The following CRISP1 variants were observed in gnomAD, a reference collection of about 807,000 sequenced individuals.
The protein encoded by CRISP1 is cysteine-rich secretory protein 1.
A neutral mutation model predicts 33.1 loss-of-function variants in CRISP1; 44 were observed. That is an observed-to-expected ratio of 1.33 (90% CI 1.05 to 1.71). The LOEUF (loss-of-function observed/expected upper bound fraction) is 1.71, where lower values mean the gene tolerates loss of function less well. Ranked by LOEUF, CRISP1 falls within the 40% of genes most tolerant of loss-of-function variation. CRISP1 has a pLI of 0.00. For missense variants in CRISP1, 390 were observed against 301.2 expected (o/e 1.29, Z -2.18); for synonymous variants, 103 against 98.7 (o/e 1.04, Z -0.26).
At chr6:49,835,803 AT>A (rs146546627) in intron 7 of CRISP1, among the ~76,000 whole-genome samples, 14,731 of 152,256 alleles carry the variant, frequency 0.097, 993 homozygotes, top group Non-Finnish European at 0.15. Flanking sequence ...ATGCTGCATT[AT>A]TTAATGGTTA....
chr6:49,866,154 T>TCCCTAC (rs1420307452), intron 1 of CRISP1, among the ~76,000 whole-genome samples: 1 of 152,094 alleles, frequency 6.6e-6, no homozygotes, highest in African/African-American at 2.4e-5. Flanking sequence ...ATGGTAATTG[T>TCCCTAC]CCCTACGTGA....
At chr6:49,835,848 A>G (rs1770773050) in intron 7 of CRISP1, among the ~76,000 whole-genome samples, 1 of 152,236 alleles carries the variant, frequency 6.6e-6, no homozygotes, top group East Asian at 1.9e-4. Context: ...AGTAATGTAT[A>G]GCCAATGGAA....
rs1405288240 is a variant in CRISP1 at position 49,848,262 on chromosome 6, A to G, written c.233T>C (p.Phe78Ser). Residue 78 changes from phenylalanine to serine, a missense_variant, in exon 4 of 8, where the codon TTT becomes TCT. Transcript: ENST00000335847. ...SEEAAQNARI[F>S]SKYCDMTESN... The stretch of plus-strand genomic sequence containing the variant: ...CTCTGTCATATCACAATACTTTGAA[A>G]AAATTCTGGCATTTTGTGCAGCCTC... 1.2e-6 allele frequency: 2 copies of G among 1,608,964 alleles called. No homozygotes were observed. The highest frequency in any genetic ancestry group is 1.7e-6 in the Non-Finnish European group (2 of 1,178,042).
chr6:49,863,068 C>T (rs945954091), intron 1 of CRISP1, among the ~76,000 whole-genome samples: 9 of 151,894 alleles, frequency 5.9e-5, no homozygotes, highest in Non-Finnish European at 1.3e-4. Flanking sequence ...CAGGTAAAGC[C>T]GAAGGGATGG....
intron 1 of CRISP1, among the ~76,000 whole-genome samples, chr6:49,873,489 A>C (rs547621708): frequency 2.0e-5 from 3 of 152,064 alleles, no homozygotes; most frequent in Non-Finnish European, 4.4e-5. Flanking sequence ...AAATTTCCTT[A>C]TGTGTCCTCA....
chr6:49,857,552 T>C (rs541636765), intron 1 of CRISP1, 150 bp from the exon 2 acceptor site: 8 of 645,504 alleles, frequency 1.2e-5, no homozygotes, highest in South Asian at 9.6e-5. Flanking sequence ...TGTTAGTCAT[T>C]GGGATCCAGA....
At chr6:49,871,306 T>G (rs905462028), upstream of CRISP1, among the ~76,000 whole-genome samples, 1 of 152,058 alleles carries the variant, frequency 6.6e-6, no homozygotes, top group African/African-American at 2.4e-5. Flanking sequence ...GAGGTTACAT[T>G]GTAATGATCA....
At chr6:49,849,196 T>C (rs918580646) in intron 3 of CRISP1, among the ~76,000 whole-genome samples, 8 of 152,144 alleles carry the variant, frequency 5.3e-5, no homozygotes, top group African/African-American at 1.9e-4. Context: ...TCTCCTATCA[T>C]TGTGGTGTAT....
At chr6:49,853,329 C>T (rs935240387) in intron 2 of CRISP1, among the ~76,000 whole-genome samples, 2 of 152,092 alleles carry the variant, frequency 1.3e-5, no homozygotes, top group Admixed American at 1.3e-4. Context: ...TATTTAACAT[C>T]CTATCATGGA....
chr6:49,874,767 A>G (rs1772000046), intron 1 of CRISP1, among the ~76,000 whole-genome samples: 1 of 152,114 alleles, frequency 6.6e-6, no homozygotes, highest in Non-Finnish European at 1.5e-5. Flanking sequence ...AAATCAATAA[A>G]TGTGACTCAT....
At chr6:49,854,597 T>C (rs1439237451) in intron 2 of CRISP1, among the ~76,000 whole-genome samples, 1 of 152,146 alleles carries the variant, frequency 6.6e-6, no homozygotes, top group Admixed American at 6.6e-5. Context: ...CACTTCCCCA[T>C]TCAACTATTG....
upstream of CRISP1, among the ~76,000 whole-genome samples, chr6:49,866,881 C>T (rs1009821332): frequency 1.3e-5 from 2 of 152,102 alleles, no homozygotes; most frequent in East Asian, 1.9e-4. Context: ...ATGATTTATG[C>T]TCTCTTCTAG....
intron 1 of CRISP1, among the ~76,000 whole-genome samples, chr6:49,873,343 G>A (rs1159272349): frequency 2.6e-5 from 4 of 151,934 alleles, no homozygotes; most frequent in Non-Finnish European, 5.9e-5. Context: ...CTCAGGAAAT[G>A]TTGCTTAATT....
chr6:49,862,651 T>G (rs1448739244), intron 1 of CRISP1, among the ~76,000 whole-genome samples: 1 of 152,140 alleles, frequency 6.6e-6, no homozygotes, highest in African/African-American at 2.4e-5. Context: ...ACTTTGCATG[T>G]TGGCATATCC....
At chr6:49,842,438 T>A (rs1771023159) in intron 5 of CRISP1, among the ~76,000 whole-genome samples, 1 of 152,192 alleles carries the variant, frequency 6.6e-6, no homozygotes, top group Admixed American at 6.5e-5. Context: ...AAAGAAAAAT[T>A]GAAAATGAAA....
At chr6:49,859,826 T>C (rs1436912363) in intron 1 of CRISP1, among the ~76,000 whole-genome samples, 2 of 152,120 alleles carry the variant, frequency 1.3e-5, no homozygotes, top group African/African-American at 4.8e-5. Flanking sequence ...AGTGGCTGAA[T>C]GGATTAAAAT....
upstream of CRISP1, among the ~76,000 whole-genome samples, chr6:49,869,841 C>A (rs1414279151): frequency 6.6e-6 from 1 of 152,132 alleles, no homozygotes; most frequent in African/African-American, 2.4e-5. Flanking sequence ...AAGACTAAGT[C>A]AAAAGGGCTC....
chr6:49,853,267 T>TGCTGCAGG (rs1421065271), intron 2 of CRISP1, among the ~76,000 whole-genome samples: 1 of 152,172 alleles, frequency 6.6e-6, no homozygotes, highest in Non-Finnish European at 1.5e-5. Flanking sequence ...TCAAAATCTC[T>TGCTGCAGG]GCTGCAGGGA....
upstream of CRISP1, among the ~76,000 whole-genome samples, chr6:49,867,184 T>C (rs1022110764): frequency 2.0e-5 from 3 of 152,086 alleles, no homozygotes; most frequent in African/African-American, 7.2e-5. Context: ...AGTCACATGA[T>C]GAGAAATATC....
Sources: allele counts gnomAD v4.1 joint callset (sites outside exome capture counted in the v4.1 genomes callset), GRCh38; gene constraint gnomAD v4.1.1; transcripts MANE v1.5; gene names NCBI Gene and HGNC (gene_info 2026-07-23, HGNC 2026-07-21).